The following TMEM184C variants were observed in gnomAD, a reference collection of about 807,000 sequenced individuals.
The protein encoded by TMEM184C is transmembrane protein 34.
Under a neutral mutation model 54.5 loss-of-function variants are expected in TMEM184C, and 25 were observed. The ratio of observed to expected loss-of-function variants is 0.46; its 90% CI spans 0.33 to 0.64. The LOEUF (loss-of-function observed/expected upper bound fraction) is 0.64, where lower values mean the gene tolerates loss of function less well. TMEM184C is among the 30% of genes least tolerant of loss of function. The pLI, the probability that TMEM184C is intolerant of heterozygous loss-of-function variation, is 0.02. For missense variants in TMEM184C, 335 were observed against 520.3 expected (o/e 0.64, Z 3.46); for synonymous variants, 148 against 181.5 (o/e 0.82, Z 1.49).
intron 6 of TMEM184C, among the ~76,000 whole-genome samples, chr4:147,630,213 T>C (rs983139541): frequency 1.3e-5 from 2 of 152,086 alleles, no homozygotes; most frequent in Admixed American, 6.5e-5. Flanking sequence ...CAAAGACCTA[T>C]GATGTAATGT....
Position 147,630,607 on chromosome 4 carries a change from T to C in TMEM184C, c.667-786T>C, listed in dbSNP as rs557478815. 1.0e-3 allele frequency among the ~76,000 whole-genome samples: 152 copies of C among 152,162 alleles called. 2 individuals carry two copies. Among genetic ancestry groups the C allele is most frequent in the Middle Eastern group, 6.8e-3 (2 of 294 alleles). On this transcript the variant is annotated intron_variant, in intron 6 of 9. Transcript: ENST00000296582. ...CTAAAAATAAGCCTGATGAAACATA[T>C]AGAAGTTATGTATTTTAAGTGGAAA... is the stretch of plus-strand genomic sequence containing the variant.
At chr4:147,623,360 C>T (rs62344206) in intron 1 of TMEM184C, among the ~76,000 whole-genome samples, 41,027 of 151,076 alleles carry the variant, frequency 0.27, 7,101 homozygotes, top group Admixed American at 0.37. Context: ...GCTTGAACCC[C>T]GGAGGCAGAG....
Position 147,623,817 on chromosome 4 carries a change from T to A in TMEM184C, c.124-17T>A, listed in dbSNP as rs754766456. On this transcript the variant is annotated splice_polypyrimidine_tract_variant and intron_variant, in intron 1 of 9. Transcript: ENST00000296582. Reference sequence around the variant, plus strand: ...TAATATCAGAATTTATATTAACATGTTATTTTGTTTCTTAAGGTTGGAATA... The same window carrying A: ...TAATATCAGAATTTATATTAACATGATATTTTGTTTCTTAAGGTTGGAATA... 1.9e-6 allele frequency: 3 copies of A among 1,611,838 alleles called. No homozygotes were observed. In the South Asian group the frequency reaches 3.3e-5, roughly 18 times the overall value.
At chr4:147,632,178 A>AT (rs1732929579) in intron 7 of TMEM184C, among the ~76,000 whole-genome samples, 1 of 151,608 alleles carries the variant, frequency 6.6e-6, no homozygotes, top group African/African-American at 2.4e-5. Context: ...GTCTCAAAAA[A>AT]AAAAAAAAAA....
chr4:147,618,112 T>C, intron 1 of TMEM184C, 33 bp downstream of exon 1: 1 of 1,612,792 alleles, frequency 6.2e-7, no homozygotes, highest in East Asian at 2.2e-5. Context: ...GCCTGTACAC[T>C]TTCTTCTACC....
At position 147,618,032 on chromosome 4, in the gene TMEM184C, A is replaced by C. The variant is rs146990959; in HGVS notation, c.76A>C (p.Ile26Leu). 1.5e-5 allele frequency: 24 copies of C among 1,614,060 alleles called. No homozygotes were observed. The highest frequency in any genetic ancestry group is 2.0e-5 in the Non-Finnish European group (24 of 1,180,024). Residue 26 changes from isoleucine to leucine, a missense_variant, in exon 1 of 10, where the codon ATA becomes CTA. Physicochemically the swap from Ile to Leu is conservative, Grantham distance 5 (BLOSUM62 2). Transcript: ENST00000296582. ...AGTAGCGGTCATCTACCTGGTGTCA[A>C]TAGTGGTTGCGGTTCCCCTATGCGT... is the stretch of plus-strand genomic sequence containing the variant. ...PLVAVIYLVS[I>L]VVAVPLCVWE...
rs201007574 is a variant in TMEM184C, at chr4:147,634,288, C to T, written c.1171C>T (p.Pro391Ser). 16 of 1,614,164 alleles carry T rather than the reference C, an allele frequency of 9.9e-6. No individual in the cohort carries two copies. The highest frequency in any genetic ancestry group is 1.6e-4 in the Middle Eastern group (1 of 6,062). ...TGCAATTTCCATTGCTTCTTCTATG[C>T]CACCTTCACCCATGGGTCACTACCA... ...QDAISIASSMPPSPMGHYQGF... is the reference protein window; with the variant it reads ...QDAISIASSMSPSPMGHYQGF... The change falls in exon 10 of 10, where the codon CCA becomes TCA. Residue 391 changes from proline (P) to serine (S), a missense_variant. By Grantham distance (74) the Pro-to-Ser change is moderately conservative. Coordinates refer to ENST00000296582, the MANE Select transcript of TMEM184C (RefSeq NM_018241.3).
intron 1 of TMEM184C, among the ~76,000 whole-genome samples, chr4:147,621,992 T>TC (rs1732719006): frequency 6.6e-6 from 1 of 150,498 alleles, no homozygotes; most frequent in Non-Finnish European, 1.5e-5. Flanking sequence ...TTTCTTTCTT[T>TC]TTTTTTTTTT....
Position 147,635,544 on chromosome 4 carries a change from T to C in TMEM184C, c.*1110T>C, listed in dbSNP as rs984179524. ...GAAAATAAAACAGAAAGTGCCATAG[T>C]ATGTTACAGAAAGCAAAGATGAGTA... On this transcript the variant is annotated 3_prime_UTR_variant, in exon 10 of 10. Coordinates refer to ENST00000296582, the MANE Select transcript of TMEM184C (RefSeq NM_018241.3). 2 of 152,218 alleles carry C rather than the reference T, an allele frequency of 1.3e-5. No individual in the cohort carries two copies. Among genetic ancestry groups the C allele is most frequent in the Middle Eastern group, 3.2e-3 (1 of 316 alleles). 9.4% of individuals were successfully genotyped at this position (152,218 alleles called of 1,614,324 possible).
rs776181719 is a variant in TMEM184C at position 147,634,299 on chromosome 4, C to T, written c.1182C>T (p.Pro394=). The change falls in exon 10 of 10, where the codon CCC becomes CCT. Residue 394 remains proline, a synonymous_variant. Coordinates refer to ENST00000296582, the MANE Select transcript of TMEM184C (RefSeq NM_018241.3). ...TTGCTTCTTCTATGCCACCTTCACC[C>T]ATGGGTCACTACCAAGGGTTTGGAC... ...ISIASSMPPS[P]MGHYQGFGHT... 1.2e-6 allele frequency: 2 copies of T among 1,614,180 alleles called. No homozygotes were observed. Among genetic ancestry groups the T allele is most frequent in the Non-Finnish European group, 1.7e-6 (2 of 1,180,030 alleles).
intron 7 of TMEM184C, among the ~76,000 whole-genome samples, chr4:147,632,049 C>T (rs533069828): frequency 6.6e-6 from 1 of 151,758 alleles, no homozygotes; most frequent in South Asian, 2.1e-4. Context: ...TAGCAGGCAC[C>T]TGTAATCCAA....
At chr4:147,626,067 T>C (rs2126550511) in intron 4 of TMEM184C, among the ~76,000 whole-genome samples, 1 of 152,262 alleles carries the variant, frequency 6.6e-6, no homozygotes, top group Middle Eastern at 3.4e-3. Flanking sequence ...AGCCCGTTTA[T>C]TGATCTGGGT....
At chr4:147,631,590 A>T in intron 7 of TMEM184C, 85 bp downstream of exon 7, 1 of 909,720 alleles carries the variant, frequency 1.1e-6, no homozygotes, top group Non-Finnish European at 1.7e-6. Context: ...AACAGTCTTA[A>T]TGCGGAAGAT....
chr4:147,627,341 A>G (rs2126551287), intron 4 of TMEM184C, among the ~76,000 whole-genome samples: 1 of 152,230 alleles, frequency 6.6e-6, no homozygotes, highest in South Asian at 2.1e-4. Context: ...CCCAGGCTAG[A>G]ATACAGTGGC....
Position 147,617,624 on chromosome 4 carries a change from A to T in TMEM184C, c.-333A>T, listed in dbSNP as rs923990368. 2.0e-5 allele frequency: 6 copies of T among 302,342 alleles called. No individual in the cohort carries two copies. The highest frequency in any genetic ancestry group is 4.0e-5 in the Non-Finnish European group (6 of 149,502). 18.7% of individuals were successfully genotyped at this position (302,342 alleles called of 1,614,324 possible). On this transcript the variant is annotated 5_prime_UTR_variant, in exon 1 of 10. The change abolishes an upstream ATG in the 5' untranslated region. Transcript: ENST00000296582. ...GGTCTGTGCTGCTCTCCTGGAAGCC[A>T]TGGTACAGGCAGAGCTCAGGGCGAT...
rs33965102 is a variant in TMEM184C, at chr4:147,634,728, CT to C, written c.*306del. 0.87 allele frequency: 161,360 copies of C among 184,990 alleles called. 69,831 individuals carry two copies. The highest frequency in any genetic ancestry group is 0.93 in the Admixed American group (15,549 of 16,762). 11.5% of individuals were successfully genotyped at this position (184,990 alleles called of 1,614,324 possible). On this transcript the variant is annotated 3_prime_UTR_variant, in exon 10 of 10. Coordinates refer to ENST00000296582, the MANE Select transcript of TMEM184C (RefSeq NM_018241.3). ...TACACTGCTTTATCAAGAGGATGGA[CT>C]TTTTTTTTTTTGAGACAGACAGAGT...
chr4:147,633,985 A>G, intron 9 of TMEM184C, 49 bp downstream of exon 9: 4 of 1,571,612 alleles, frequency 2.5e-6, no homozygotes, highest in Non-Finnish European at 3.5e-6. Context: ...TAGGATATTG[A>G]ATTTCTCCTA....
intron 5 of TMEM184C, among the ~76,000 whole-genome samples, chr4:147,628,963 A>G (rs1156870454): frequency 6.6e-6 from 1 of 152,202 alleles, no homozygotes; most frequent in Non-Finnish European, 1.5e-5. Flanking sequence ...TACATGTTTT[A>G]TCTCCTAGTT....
In TMEM184C at chr4:147,636,105, TA is replaced by T. The variant is rs1006580590; in HGVS notation, c.*1672del. 1 of 152,078 alleles carries T rather than the reference TA, an allele frequency of 6.6e-6. No homozygotes were observed. The highest frequency in any genetic ancestry group is 2.4e-5 in the African/African-American group (1 of 41,430). The allele number at this position is 152,078 out of a possible 1,614,324, so 9.4% of individuals were successfully genotyped here. ...AATCCTATCAAAATTCCAATGGCAT[TA>T]TTTACACAAACAGAAAAAAATCCTA... On this transcript the variant is annotated 3_prime_UTR_variant, in exon 10 of 10. Coordinates refer to ENST00000296582, the MANE Select transcript of TMEM184C (RefSeq NM_018241.3).
Sources: gnomAD v4.1 joint callset for allele counts (sites outside exome capture counted in the v4.1 genomes callset) on GRCh38, gnomAD v4.1.1 for gene constraint, MANE v1.5 for transcripts, NCBI Gene and HGNC (gene_info 2026-07-23, HGNC 2026-07-21) for gene names.